XKR6: variants seen among roughly 807,000 people sequenced by gnomAD.
The protein encoded by XKR6 is XK-related protein 6.
Under a neutral mutation model 56.7 loss-of-function variants are expected in XKR6, and 22 were observed. That is an observed-to-expected ratio of 0.39 (90% confidence interval 0.28 to 0.55). XKR6 has a LOEUF of 0.55. Among genes scored for constraint, XKR6 ranks in the 20% least tolerant of loss-of-function variants. The probability of loss-of-function intolerance (pLI) is 0.66; values close to 1 mark genes in which losing one functional copy is unlikely to be tolerated. For missense variants in XKR6, 852 were observed against 889.0 expected (o/e 0.96, Z 0.53); for synonymous variants, 524 against 387.8 (o/e 1.35, Z -4.13).
chr8:11,128,373 G>A (rs531986956), intron 1 of XKR6, among the ~76,000 whole-genome samples: 4 of 152,250 alleles, frequency 2.6e-5, no homozygotes, highest in East Asian at 1.9e-4. Context: ...CTGTGCTGAC[G>A]CTCCAGATTT....
intron 1 of XKR6, among the ~76,000 whole-genome samples, chr8:10,974,168 T>C (rs112058103): frequency 6.6e-6 from 1 of 152,232 alleles, no homozygotes; most frequent in Non-Finnish European, 1.5e-5. Flanking sequence ...CAGGAGGTAC[T>C]TGGCAGCTTG....
intron 1 of XKR6, among the ~76,000 whole-genome samples, chr8:11,067,802 G>A: frequency 6.6e-6 from 1 of 152,266 alleles, no homozygotes; most frequent in East Asian, 1.9e-4. Flanking sequence ...GCGTTTCAGA[G>A]GTGGATGTGC....
At chr8:11,059,688 G>C (rs1438989546) in intron 1 of XKR6, among the ~76,000 whole-genome samples, 1 of 148,494 alleles carries the variant, frequency 6.7e-6, no homozygotes, top group Non-Finnish European at 1.5e-5. Flanking sequence ...GGCGGGCGCG[G>C]GGCGGGACAG....
chr8:10,974,066 A>C lies in XKR6; in HGVS notation c.765-49236T>G, dbSNP rs142924449. Among the ~76,000 whole-genome samples the C allele has an allele frequency of 3.5e-3, 530 of 152,294 alleles. 4 individuals carry two copies. The highest frequency in any genetic ancestry group is 0.012 in the African/African-American group (512 of 41,554). ...GGAAATGAATGATAAAGCTAGTTCA[A>C]ATATGTATTTTTCCATTGGTCCAGT... On this transcript the variant is annotated intron_variant, in intron 1 of 2. Coordinates refer to ENST00000416569, the MANE Select transcript of XKR6 (RefSeq NM_173683.4).
chr8:11,148,312 C>T (rs1801095684), intron 1 of XKR6, among the ~76,000 whole-genome samples: 1 of 152,152 alleles, frequency 6.6e-6, no homozygotes, highest in African/African-American at 2.4e-5. Context: ...GAAATTTGGA[C>T]ACAGAAAGTG....
chr8:11,041,840 A>C (rs1490239722), intron 1 of XKR6, among the ~76,000 whole-genome samples: 1 of 152,224 alleles, frequency 6.6e-6, no homozygotes, highest in Non-Finnish European at 1.5e-5. Context: ...ACATTGATAC[A>C]GTTCAGGAAG....
intron 1 of XKR6, among the ~76,000 whole-genome samples, chr8:11,127,571 C>T (rs1369858813): frequency 2.0e-5 from 3 of 152,134 alleles, no homozygotes; most frequent in Non-Finnish European, 2.9e-5. Flanking sequence ...TGGCTTGTGG[C>T]CCCTTCCTCT....
intron 1 of XKR6, among the ~76,000 whole-genome samples, chr8:10,933,710 G>A (rs900723674): frequency 6.7e-6 from 1 of 148,810 alleles, no homozygotes; most frequent in Admixed American, 6.6e-5. Context: ...ATAGTTGTAG[G>A]TAAGCGGCGT....
intron 1 of XKR6, among the ~76,000 whole-genome samples, chr8:11,191,410 A>T (rs1403610745): frequency 1.3e-5 from 2 of 152,208 alleles, no homozygotes; most frequent in African/African-American, 4.8e-5. Flanking sequence ...GGGAAAAACT[A>T]CCTTTATATA....
intron 1 of XKR6, among the ~76,000 whole-genome samples, chr8:11,151,840 G>A (rs1170564028): frequency 6.6e-6 from 1 of 151,972 alleles, no homozygotes; most frequent in East Asian, 1.9e-4. Context: ...GCAAGGGGAA[G>A]AACAATTAAT....
At chr8:11,044,420 A>C (rs1799357712) in intron 1 of XKR6, among the ~76,000 whole-genome samples, 1 of 152,126 alleles carries the variant, frequency 6.6e-6, no homozygotes, top group Non-Finnish European at 1.5e-5. Flanking sequence ...CAGTGGTTGC[A>C]CTTCCCGCCT....
At chr8:11,108,342 G>C in intron 1 of XKR6, 1 of 456,164 alleles carries the variant, frequency 2.2e-6, no homozygotes. Context: ...TAAATTTCCA[G>C]TCACTACTAC....
intron 1 of XKR6, among the ~76,000 whole-genome samples, chr8:11,012,671 C>T (rs929566740): frequency 1.3e-5 from 2 of 151,222 alleles, no homozygotes; most frequent in Non-Finnish European, 2.9e-5. Flanking sequence ...TCCTTTTCCT[C>T]CAATCTGCAT....
At chr8:11,008,877 G>C (rs1026004086) in intron 1 of XKR6, among the ~76,000 whole-genome samples, 1 of 152,106 alleles carries the variant, frequency 6.6e-6, no homozygotes, top group South Asian at 2.1e-4. Context: ...TAGCTTGCTA[G>C]GGCTCTTACA....
intron 1 of XKR6, among the ~76,000 whole-genome samples, chr8:11,001,436 C>T (rs1348697182): frequency 6.6e-6 from 1 of 152,160 alleles, no homozygotes; most frequent in Non-Finnish European, 1.5e-5. Context: ...AGGAAGGGAC[C>T]ACAGCTAGAC....
chr8:10,957,901 T>G lies in XKR6; in HGVS notation c.765-33071A>C, dbSNP rs147137647. Reference sequence around the variant, plus strand: ...TCTAAAAATGATCCCCAATGTGATTTTTTAAAAACTGAATCAAAGTGTTAA... The same window carrying G: ...TCTAAAAATGATCCCCAATGTGATTGTTTAAAAACTGAATCAAAGTGTTAA... On this transcript the variant is annotated intron_variant, in intron 1 of 2. Transcript: ENST00000416569. Among the ~76,000 whole-genome samples, 895 of 151,322 alleles carry G rather than the reference T, an allele frequency of 5.9e-3. 16 individuals carry two copies. The highest frequency in any genetic ancestry group is 0.021 in the African/African-American group (859 of 40,732).
chr8:11,141,924 G>A (rs1359585469), intron 1 of XKR6, among the ~76,000 whole-genome samples: 1 of 151,514 alleles, frequency 6.6e-6, no homozygotes, highest in Non-Finnish European at 1.5e-5. Context: ...TCTTGATCTG[G>A]TAACTGGTTA....
intron 1 of XKR6, among the ~76,000 whole-genome samples, chr8:11,101,854 C>G (rs1198935269): frequency 6.6e-6 from 1 of 152,070 alleles, no homozygotes; most frequent in Admixed American, 6.5e-5. Flanking sequence ...GTGGCTCACC[C>G]TTTAAGGCCC....
intron 1 of XKR6, among the ~76,000 whole-genome samples, chr8:11,069,431 G>C (rs2129166524): frequency 6.6e-6 from 1 of 151,996 alleles, no homozygotes; most frequent in South Asian, 2.1e-4. Flanking sequence ...CTGGAGCCTG[G>C]CCAGAGCCTG....
Sources: gnomAD v4.1 joint callset for allele counts (sites outside exome capture counted in the v4.1 genomes callset) on GRCh38, gnomAD v4.1.1 for gene constraint, MANE v1.5 for transcripts, NCBI Gene and HGNC (gene_info 2026-07-23, HGNC 2026-07-21) for gene names.